Variants in LIN28B observed in about 807,000 individuals in gnomAD.
LIN28B encodes lin-28 RNA binding posttranscriptional regulator B.
In LIN28B, 5 loss-of-function variants were observed where a neutral mutation model predicts 21.9. The observed-to-expected ratio is 0.23, with a 90% CI of 0.12 to 0.48. LIN28B has a LOEUF of 0.48. LIN28B is among the 20% of genes least tolerant of loss of function. LIN28B has a pLI of 0.98. For missense variants in LIN28B, 245 were observed against 310.5 expected (o/e 0.79, Z 1.58); for synonymous variants, 109 against 111.3 (o/e 0.98, Z 0.13).
intron 3 of LIN28B, among the ~76,000 whole-genome samples, chr6:105,035,750 G>A (rs1183057916): frequency 1.3e-5 from 2 of 151,996 alleles, no homozygotes; most frequent in Non-Finnish European, 2.9e-5. Context: ...AAAATATCAG[G>A]AAATGTAAAA....
chr6:104,989,511 C>T (rs1443596157), intron 2 of LIN28B, among the ~76,000 whole-genome samples: 1 of 151,826 alleles, frequency 6.6e-6, no homozygotes, highest in Non-Finnish European at 1.5e-5. Flanking sequence ...GCGTGAGCCA[C>T]CATGCCTGGT....
intron 2 of LIN28B, among the ~76,000 whole-genome samples, chr6:104,971,629 A>G (rs1403366503): frequency 1.3e-5 from 2 of 152,208 alleles, no homozygotes; most frequent in Non-Finnish European, 2.9e-5. Context: ...AACTAGGATC[A>G]GGTATGAAGT....
intron 3 of LIN28B, among the ~76,000 whole-genome samples, chr6:105,057,376 C>T (rs1405007561): frequency 6.6e-6 from 1 of 152,232 alleles, no homozygotes; most frequent in Non-Finnish European, 1.5e-5. Context: ...CTATCATCTG[C>T]CATCTGACAG....
At chr6:104,941,474 A>C (rs1335157163) in intron 2 of LIN28B, 1 of 149,372 alleles carries the variant, frequency 6.7e-6, no homozygotes, top group Non-Finnish European at 1.5e-5. Flanking sequence ...GCGGGGGCGC[A>C]GGCCACGCGG....
At chr6:104,968,470 A>G (rs564551254) in intron 2 of LIN28B, among the ~76,000 whole-genome samples, 1 of 152,308 alleles carries the variant, frequency 6.6e-6, no homozygotes, top group Non-Finnish European at 1.5e-5. Flanking sequence ...AATTTCTACC[A>G]GCTGCTTTAA....
At chr6:105,017,465 C>CTGAG (rs1293268237) in intron 2 of LIN28B, among the ~76,000 whole-genome samples, 2 of 152,172 alleles carry the variant, frequency 1.3e-5, no homozygotes, top group Non-Finnish European at 2.9e-5. Context: ...AGTCAATGTA[C>CTGAG]TGAGCATTGT....
At chr6:104,992,376 C>A (rs1770505301) in intron 2 of LIN28B, among the ~76,000 whole-genome samples, 1 of 151,858 alleles carries the variant, frequency 6.6e-6, no homozygotes, top group Non-Finnish European at 1.5e-5. Flanking sequence ...TCTTATGTAA[C>A]AATTAATATT....
chr6:104,947,102 A>G (rs1295434113), intron 2 of LIN28B, among the ~76,000 whole-genome samples: 1 of 152,094 alleles, frequency 6.6e-6, no homozygotes, highest in East Asian at 1.9e-4. Flanking sequence ...CACTTCATTT[A>G]TCTGAGCTTA....
At position 105,078,936 on chromosome 6, in the gene LIN28B, C is replaced by T. The variant is rs1040564683; in HGVS notation, c.*153C>T. 17 of 786,856 alleles carry T rather than the reference C, an allele frequency of 2.2e-5. No individual in the cohort carries two copies. Among genetic ancestry groups the T allele is most frequent in the Non-Finnish European group, 3.0e-5 (15 of 504,322 alleles). 48.7% of individuals were successfully genotyped at this position (786,856 alleles called of 1,614,324 possible). Reference sequence around the variant, plus strand: ...TTTTAAACAGACAAATCACTCTAAGCAAATTACATTTGAGCAGGGTGTCAT... The same window carrying T: ...TTTTAAACAGACAAATCACTCTAAGTAAATTACATTTGAGCAGGGTGTCAT... On this transcript the variant is annotated 3_prime_UTR_variant, in exon 4 of 4. Coordinates refer to ENST00000345080, the MANE Select transcript of LIN28B (RefSeq NM_001004317.4).
At chr6:104,943,738 CT>C (rs1454391449) in intron 2 of LIN28B, among the ~76,000 whole-genome samples, 1 of 151,976 alleles carries the variant, frequency 6.6e-6, no homozygotes, top group Non-Finnish European at 1.5e-5. Flanking sequence ...ATTTCCTTGA[CT>C]TTTAAAGGGA....
chr6:105,038,530 A>G (rs1227593370), intron 3 of LIN28B, among the ~76,000 whole-genome samples: 1 of 152,208 alleles, frequency 6.6e-6, no homozygotes. Context: ...AAGTCTGGCC[A>G]GGTCCAAGAA....
At chr6:104,948,488 A>G (rs1047206930) in intron 2 of LIN28B, among the ~76,000 whole-genome samples, 1 of 152,156 alleles carries the variant, frequency 6.6e-6, no homozygotes, top group Non-Finnish European at 1.5e-5. Context: ...AAAAATTATT[A>G]CATATAAATA....
At chr6:105,035,822 T>C (rs2114357117) in intron 3 of LIN28B, among the ~76,000 whole-genome samples, 1 of 152,332 alleles carries the variant, frequency 6.6e-6, no homozygotes, top group East Asian at 1.9e-4. Flanking sequence ...TAATTTAAAT[T>C]TAAATTGGGA....
chr6:105,020,139 G>T (rs1771107507), intron 2 of LIN28B, among the ~76,000 whole-genome samples: 1 of 139,348 alleles, frequency 7.2e-6, no homozygotes, highest in Admixed American at 7.2e-5. Flanking sequence ...TTTGAGAATG[G>T]GTCTTGCTCT....
intron 3 of LIN28B, among the ~76,000 whole-genome samples, chr6:105,042,658 T>C (rs1771660835): frequency 6.6e-6 from 1 of 152,136 alleles, no homozygotes; most frequent in South Asian, 2.1e-4. Flanking sequence ...CTATTTAGTT[T>C]CAAAATTTGA....
intron 2 of LIN28B, among the ~76,000 whole-genome samples, chr6:104,938,465 C>T (rs1260698476): frequency 6.6e-6 from 1 of 151,860 alleles, no homozygotes; most frequent in East Asian, 1.9e-4. Flanking sequence ...ATGGTGAAAC[C>T]CCATCTTTAC....
rs1043239751 is a variant in LIN28B, at chr6:105,080,501, T to A, written c.*1718T>A. The A allele has an allele frequency of 1.3e-5, 2 of 152,588 alleles. No homozygotes were observed. Among genetic ancestry groups the A allele is most frequent in the Non-Finnish European group, 2.9e-5 (2 of 68,016 alleles). 9.5% of individuals were successfully genotyped at this position (152,588 alleles called of 1,614,324 possible). A position where few individuals can be genotyped will look rare whatever the true frequency, so the allele number is the denominator to read the frequency against. Reference sequence around the variant, plus strand: ...CACCATAAGACGAAAATGCCTCAGGTTGGGTTGCCAGTCCTTTACAACTCA... The same window carrying A: ...CACCATAAGACGAAAATGCCTCAGGATGGGTTGCCAGTCCTTTACAACTCA... On this transcript the variant is annotated 3_prime_UTR_variant, in exon 4 of 4. Coordinates refer to ENST00000345080, the MANE Select transcript of LIN28B (RefSeq NM_001004317.4).
At chr6:105,062,214 T>C (rs1381140571) in intron 3 of LIN28B, among the ~76,000 whole-genome samples, 1 of 152,104 alleles carries the variant, frequency 6.6e-6, no homozygotes, top group Admixed American at 6.5e-5. Context: ...TTACTCATTT[T>C]AAAATAACTT....
chr6:105,068,385 G>C (rs371760346), intron 3 of LIN28B, among the ~76,000 whole-genome samples: 1 of 152,284 alleles, frequency 6.6e-6, no homozygotes, highest in East Asian at 1.9e-4. Flanking sequence ...AATGTGTCTA[G>C]TTAATTTCTC....
Sources: gnomAD v4.1 joint callset for allele counts (sites outside exome capture counted in the v4.1 genomes callset) on GRCh38, gnomAD v4.1.1 for gene constraint, MANE v1.5 for transcripts, NCBI Gene and HGNC (gene_info 2026-07-23, HGNC 2026-07-21) for gene names.